The following GAR1 variants were observed in gnomAD, a reference collection of about 807,000 sequenced individuals.
The protein encoded by GAR1 is H/ACA ribonucleoprotein complex subunit 1.
Under a neutral mutation model 29.3 loss-of-function variants are expected in GAR1, and 11 were observed. That is an observed-to-expected ratio of 0.38 (90% CI 0.24 to 0.62). The LOEUF (loss-of-function observed/expected upper bound fraction) is 0.62. Among genes scored for constraint, GAR1 ranks in the 20% least tolerant of loss-of-function variants. The pLI is 0.62. For missense variants in GAR1, 237 were observed against 268.4 expected (o/e 0.88, Z 0.82); for synonymous variants, 87 against 93.3 (o/e 0.93, Z 0.39).
Position 109,822,399 on chromosome 4 carries a change from C to T in GAR1, c.482C>T (p.Pro161Leu), listed in dbSNP as rs1313564795. 1.2e-6 allele frequency: 2 copies of T among 1,610,908 alleles called. No homozygotes were observed. Among genetic ancestry groups the T allele is most frequent in the South Asian group, 1.1e-5 (1 of 90,766 alleles). ...CCACTGCAGAGGTTTTTACCTCGAC[C>T]TCCAGGTGAGAAAGGACCTCCAAGA... ...LLPLQRFLPR[P>L]PGEKGPPRGG... The change falls in exon 5 of 7, where the codon CCT becomes CTT. Residue 161 changes from proline (P) to leucine (L), a missense_variant. Pro to Leu is a moderately conservative substitution (Grantham distance 98). Transcript: ENST00000226796.
At chr4:109,821,406 CTTA>C (rs1444515981) in intron 4 of GAR1, among the ~76,000 whole-genome samples, 4 of 152,120 alleles carry the variant, frequency 2.6e-5, no homozygotes, top group Admixed American at 1.3e-4. Context: ...ATTCAGAGAT[CTTA>C]TTATAAGTCA....
intron 2 of GAR1, among the ~76,000 whole-genome samples, chr4:109,817,368 G>A (rs771734358): frequency 6.6e-6 from 1 of 152,064 alleles, no homozygotes; most frequent in Non-Finnish European, 1.5e-5. Flanking sequence ...TGACAGTCTA[G>A]TTAGAAATAA....
Position 109,816,274 on chromosome 4 carries a change from G to A in GAR1, c.110G>A (p.Gly37Asp). ...NHFRGGGGGG[G>D]GGNFRGGGRG... ...TTCCGAGGTGGAGGCGGCGGTGGAGGCGGCGGCAATTTCAGAGGCGGCGGC... is the reference window on the plus strand; with the variant it reads ...TTCCGAGGTGGAGGCGGCGGTGGAGACGGCGGCAATTTCAGAGGCGGCGGC... Residue 37 changes from glycine (G) to aspartate (D), a missense_variant, in exon 2 of 7, where the codon GGC becomes GAC. Physicochemically the swap from Gly to Asp is moderately conservative, Grantham distance 94. Transcript: ENST00000226796. 2.5e-6 allele frequency: 4 copies of A among 1,610,986 alleles called. No individual in the cohort carries two copies. In the South Asian group the frequency reaches 4.4e-5, roughly 18 times the overall value.
At position 109,816,226 on chromosome 4, in the gene GAR1, A is replaced by G; in HGVS notation, c.62A>G (p.Asn21Ser). 2 of 1,610,392 alleles carry G rather than the reference A, an allele frequency of 1.2e-6. No homozygotes were observed. The highest frequency in any genetic ancestry group is 1.3e-5 in the African/African-American group (1 of 74,780). The change falls in exon 2 of 7, where the codon AAC (asparagine) becomes AGC (serine). Residue 21 changes from asparagine (N) to serine (S), a missense_variant. Asn to Ser is a conservative substitution (Grantham distance 46). Coordinates refer to ENST00000226796, the MANE Select transcript of GAR1 (RefSeq NM_018983.4). ...FNRGGGGGGF[N>S]RGGSSNHFRG... ...CGAGGTGGTGGAGGTGGCGGCTTCAACCGAGGTGGCAGCAGCAACCACTTC... is the reference window on the plus strand; with the variant it reads ...CGAGGTGGTGGAGGTGGCGGCTTCAGCCGAGGTGGCAGCAGCAACCACTTC...
Position 109,816,270 on chromosome 4 carries a change from GGAGGCGGCGGCAATTTCA to G in GAR1, c.119_136del (p.Asn40_Gly45del), listed in dbSNP as rs751178188. The G allele has an allele frequency of 1.4e-4, 220 of 1,609,720 alleles. No homozygotes were observed. Among genetic ancestry groups the G allele is most frequent in the Non-Finnish European group, 1.8e-4 (208 of 1,178,228 alleles). ...CCACTTCCGAGGTGGAGGCGGCGGT[GGAGGCGGCGGCAATTTCA>G]GAGGCGGCGGCAGGGGAGGATTTGG... On this transcript the variant is annotated inframe_deletion, in exon 2 of 7. Transcript: ENST00000226796.
Position 109,816,321 on chromosome 4 carries a change from G to A in GAR1, c.157G>A (p.Gly53Ser), listed in dbSNP as rs201161727. ...CGGCAGGGGAGGATTTGGACGAGGG[G>A]GTGGCCGCGGAGGCTTTAACAAAGG... ...GGGRGGFGRG[G>S]GRGGFNKGQD... Residue 53 changes from glycine to serine, a missense_variant, in exon 2 of 7, where the codon GGT (glycine) becomes AGT (serine). Gly to Ser is a moderately conservative substitution (Grantham distance 56). Transcript: ENST00000226796. 11 of 1,613,502 alleles carry A rather than the reference G, an allele frequency of 6.8e-6. No individual in the cohort carries two copies. Among genetic ancestry groups the A allele is most frequent in the South Asian group, 1.1e-5 (1 of 91,050 alleles).
Position 109,817,104 on chromosome 4 carries a change from G to C in GAR1, c.214+726G>C, listed in dbSNP as rs553663278. ...CTTGGATGAGTATGCAGGATGGTTT[G>C]AAAGGAGCAGTTTCTAGAATAAAAG... is the stretch of plus-strand genomic sequence containing the variant. On this transcript the variant is annotated intron_variant, in intron 2 of 6. Coordinates refer to ENST00000226796, the MANE Select transcript of GAR1 (RefSeq NM_018983.4). 6.6e-4 allele frequency among the ~76,000 whole-genome samples: 100 copies of C among 152,302 alleles called. 2 individuals carry two copies. The highest frequency in any genetic ancestry group is 1.9e-4 in the East Asian group (1 of 5,176).
intron 2 of GAR1, among the ~76,000 whole-genome samples, chr4:109,816,921 TTTGC>T (rs1309753562): frequency 6.6e-6 from 1 of 152,174 alleles, no homozygotes; most frequent in Non-Finnish European, 1.5e-5. Flanking sequence ...GAGAAAACAA[TTTGC>T]TTGAGAGGGA....
chr4:109,818,461 CTCTT>C lies in GAR1; in HGVS notation c.369+383_369+386del, dbSNP rs535797631. Reference sequence around the variant, plus strand: ...TCTCTCTCTCTCTTTTTCTCTTTCTCTCTTTCTTTCTTTCTCTCTCTTTCTCTCT... The same window carrying C: ...TCTCTCTCTCTCTTTTTCTCTTTCTCTCTTTCTTTCTCTCTCTTTCTCTCT... On this transcript the variant is annotated intron_variant, in intron 3 of 6. Coordinates refer to ENST00000226796, the MANE Select transcript of GAR1 (RefSeq NM_018983.4). Among the ~76,000 whole-genome samples the C allele has an allele frequency of 5.5e-3, 827 of 151,364 alleles. 4 individuals are homozygous for C. Among genetic ancestry groups the C allele is most frequent in the Non-Finnish European group, 7.6e-3 (519 of 67,896 alleles).
At chr4:109,823,758 AACTACT>A (rs1221147574) in intron 5 of GAR1, among the ~76,000 whole-genome samples, 2 of 152,164 alleles carry the variant, frequency 1.3e-5, no homozygotes, top group Non-Finnish European at 2.9e-5. Context: ...CCAGTTGGTA[AACTACT>A]ACAGTTTCTC....
At position 109,819,914 on chromosome 4, in the gene GAR1, A is replaced by G. The variant is rs1733466249; in HGVS notation, c.429+854A>G. On this transcript the variant is annotated intron_variant, in intron 4 of 6. Coordinates refer to ENST00000226796, the MANE Select transcript of GAR1 (RefSeq NM_018983.4). ...AGTTGTGAATTAAGACCAGAGAGGTAGGAGGGGGCTTGATTAACTTAAGCC... is the reference window on the plus strand; with the variant it reads ...AGTTGTGAATTAAGACCAGAGAGGTGGGAGGGGGCTTGATTAACTTAAGCC... Among the ~76,000 whole-genome samples the G allele has an allele frequency of 2.6e-5, 4 of 152,230 alleles. No homozygotes were observed. In the South Asian group the frequency reaches 8.3e-4, roughly 32 times the overall value.
chr4:109,823,238 A>G (rs1733567138), intron 5 of GAR1, among the ~76,000 whole-genome samples: 1 of 152,188 alleles, frequency 6.6e-6, no homozygotes, highest in South Asian at 2.1e-4. Flanking sequence ...GGAAAGGGAG[A>G]GGAGCTGAAA....
chr4:109,822,524 CTG>C (rs765736596), intron 5 of GAR1, 36 bp downstream of exon 5: 222 of 1,575,244 alleles, frequency 1.4e-4, no homozygotes, highest in Non-Finnish European at 1.7e-4. Context: ...ATGAAATTAA[CTG>C]TGACTTTCAC....
chr4:109,821,089 G>A (rs1404299919), intron 4 of GAR1, among the ~76,000 whole-genome samples: 1 of 152,124 alleles, frequency 6.6e-6, no homozygotes, highest in Non-Finnish European at 1.5e-5. Context: ...CCCCTGCTAT[G>A]TTGAGATTCA....
At chr4:109,818,899 T>G (rs1733428149) in intron 3 of GAR1, 102 bp from the exon 4 acceptor site, 1 of 663,572 alleles carries the variant, frequency 1.5e-6, no homozygotes, top group African/African-American at 1.8e-5. Flanking sequence ...CCTATATATA[T>G]CCATACATTC....
Position 109,819,780 on chromosome 4 carries a change from A to T in GAR1, c.429+720A>T, listed in dbSNP as rs77331919. 4.5e-3 allele frequency among the ~76,000 whole-genome samples: 683 copies of T among 152,356 alleles called. 3 individuals are homozygous for T. The highest frequency in any genetic ancestry group is 7.5e-3 in the Admixed American group (114 of 15,302). ...TAGTCAAAGAGGAAGAGGAAAGTGCATTCCAAGTAGAGAAAACAGTATGTG... is the reference window on the plus strand; with the variant it reads ...TAGTCAAAGAGGAAGAGGAAAGTGCTTTCCAAGTAGAGAAAACAGTATGTG... On this transcript the variant is annotated intron_variant, in intron 4 of 6. Coordinates refer to ENST00000226796, the MANE Select transcript of GAR1 (RefSeq NM_018983.4).
intron 2 of GAR1, 79 bp downstream of exon 2, chr4:109,816,457 G>A: frequency 7.6e-7 from 1 of 1,315,790 alleles, no homozygotes; most frequent in Non-Finnish European, 1.1e-6. Flanking sequence ...AGCAAGTTTG[G>A]GATACACAAG....
chr4:109,824,098 G>C, intron 6 of GAR1, 65 bp downstream of exon 6: 1 of 1,101,178 alleles, frequency 9.1e-7, no homozygotes. Flanking sequence ...GGCATTTTCT[G>C]TTTTTACTTA....
intron 4 of GAR1, among the ~76,000 whole-genome samples, chr4:109,821,960 C>G (rs750104835): frequency 8.6e-5 from 13 of 151,236 alleles, no homozygotes; most frequent in Non-Finnish European, 1.5e-4. Flanking sequence ...CACATGGACA[C>G]AGGGAGGGAA....
Sources: allele counts gnomAD v4.1 joint callset (sites outside exome capture counted in the v4.1 genomes callset), GRCh38; gene constraint gnomAD v4.1.1; transcripts MANE v1.5; gene names NCBI Gene and HGNC (gene_info 2026-07-23, HGNC 2026-07-21).